STK24: variants seen among roughly 807,000 people sequenced by gnomAD.
STK24 encodes the protein serine/threonine kinase 24.
A neutral mutation model predicts 55.6 loss-of-function variants in STK24; 21 were observed. The ratio of observed to expected loss-of-function variants is 0.38; its 90% CI spans 0.27 to 0.54. STK24 has a LOEUF of 0.54. Ranked by LOEUF, STK24 falls within the 20% of genes least tolerant of loss-of-function variation. The pLI, the probability that STK24 is intolerant of heterozygous loss-of-function variation, is 0.79. For synonymous variants in STK24, 200 were observed against 215.2 expected (o/e 0.93, Z 0.62); for missense variants, 383 against 538.4 (o/e 0.71, Z 2.86).
chr13:98,527,202 G>A (rs780302070), intron 1 of STK24, among the ~76,000 whole-genome samples: 3 of 152,288 alleles, frequency 2.0e-5, no homozygotes, highest in Admixed American at 6.5e-5. Context: ...AGAGCTGGGC[G>A]TGGTGGCTCA....
intron 1 of STK24, among the ~76,000 whole-genome samples, chr13:98,537,948 C>T (rs1896780278): frequency 6.6e-6 from 1 of 152,182 alleles, no homozygotes; most frequent in Non-Finnish European, 1.5e-5. Context: ...GGCCCAACCA[C>T]TTCCATGATG....
rs114741779 is a variant in STK24, at chr13:98,483,655, C to G, written c.274-1334G>C. Among the ~76,000 whole-genome samples the G allele has an allele frequency of 6.1e-3, 930 of 152,304 alleles. 12 individuals are homozygous for G. The highest frequency in any genetic ancestry group is 0.021 in the African/African-American group (866 of 41,556). On this transcript the variant is annotated intron_variant, in intron 2 of 10. Transcript: ENST00000539966. ...CCTGGGCAAACTTTACTTTTATTAT[C>G]TATTGCTCTGATTTTCATTTCAGGT...
chr13:98,483,390 C>T (rs544125817), intron 2 of STK24, among the ~76,000 whole-genome samples: 2 of 151,978 alleles, frequency 1.3e-5, no homozygotes, highest in Non-Finnish European at 2.9e-5. Context: ...CTTTTGCACA[C>T]ATGGAGGAAA....
At chr13:98,482,347 T>C in intron 2 of STK24, 26 bp from the exon 3 acceptor site, 1 of 1,432,632 alleles carries the variant, frequency 7.0e-7, no homozygotes, top group Non-Finnish European at 9.6e-7. Flanking sequence ...AAGAAGAGAA[T>C]CATTTTCAAA....
At chr13:98,528,211 G>C (rs1203580621) in intron 1 of STK24, among the ~76,000 whole-genome samples, 1 of 152,200 alleles carries the variant, frequency 6.6e-6, no homozygotes, top group Non-Finnish European at 1.5e-5. Flanking sequence ...CATGACCTGG[G>C]GGTTTGCCTG....
chr13:98,455,631 G>T (rs1566340756), intron 10 of STK24: 1 of 152,284 alleles, frequency 6.6e-6, no homozygotes, highest in East Asian at 1.9e-4. Flanking sequence ...AAAAGAAGAG[G>T]AACAGAGAGA....
At chr13:98,487,801 G>C (rs546719877) in intron 2 of STK24, among the ~76,000 whole-genome samples, 2 of 152,206 alleles carry the variant, frequency 1.3e-5, no homozygotes, top group East Asian at 3.9e-4. Context: ...ACATTTGTCA[G>C]TTTTGCTGGG....
chr13:98,476,247 C>CCCG (rs1894370843), intron 3 of STK24, among the ~76,000 whole-genome samples: 1 of 147,414 alleles, frequency 6.8e-6, no homozygotes, highest in Admixed American at 6.7e-5. Flanking sequence ...GAAGCCCCCC[C>CCCG]CCGCCCCCTG....
Position 98,448,575 on chromosome 13 carries a change from C to T in STK24, c.*4598G>A, listed in dbSNP as rs891800538. 1.2e-4 allele frequency: 53 copies of T among 449,788 alleles called. No individual in the cohort carries two copies. Among genetic ancestry groups the T allele is most frequent in the African/African-American group, 7.4e-4 (37 of 49,872 alleles). The allele number at this position is 449,788 out of a possible 1,614,324, so 27.9% of individuals were successfully genotyped here. On this transcript the variant is annotated 3_prime_UTR_variant, in exon 11 of 11. Transcript: ENST00000539966. ...TGCCAGTATTAAAACATTGTCATTA[C>T]GAGAGTGCCAAATGACATCTTCCCT... is the stretch of plus-strand genomic sequence containing the variant.
At chr13:98,561,209 T>C (rs1187572947) in intron 1 of STK24, among the ~76,000 whole-genome samples, 1 of 152,182 alleles carries the variant, frequency 6.6e-6, no homozygotes, top group Admixed American at 6.5e-5. Context: ...TAAAACTCAT[T>C]AAATAACACA....
intron 9 of STK24, among the ~76,000 whole-genome samples, chr13:98,459,445 C>T (rs1893608619): frequency 6.6e-6 from 1 of 152,244 alleles, no homozygotes; most frequent in Non-Finnish European, 1.5e-5. Context: ...TCAGACAAAC[C>T]CTCCAGGGCA....
intron 5 of STK24, among the ~76,000 whole-genome samples, chr13:98,469,966 G>C (rs1278461471): frequency 1.3e-5 from 2 of 152,158 alleles, no homozygotes; most frequent in African/African-American, 4.8e-5. Flanking sequence ...AAATGGTATG[G>C]GCTGCCCAAA....
At position 98,472,261 on chromosome 13, in the gene STK24, C is replaced by T. The variant is rs544472458; in HGVS notation, c.597+2560G>A. ...GTGACCCTCATCGGCCCTCACCACA[C>T]GCCTCCCGGGTCCACAAACCTGGAA... On this transcript the variant is annotated intron_variant, in intron 5 of 10. Transcript: ENST00000539966. Among the ~76,000 whole-genome samples the T allele has an allele frequency of 5.3e-5, 8 of 152,340 alleles. No individual in the cohort carries two copies. The East Asian group carries it at 9.6e-4, about 18-fold the overall frequency.
chr13:98,568,600 C>T (rs1897649545), intron 1 of STK24, among the ~76,000 whole-genome samples: 1 of 152,266 alleles, frequency 6.6e-6, no homozygotes, highest in Admixed American at 6.5e-5. Flanking sequence ...GGGATGGTGG[C>T]TCACACCTGT....
chr13:98,505,750 T>A (rs1267023476), intron 2 of STK24, among the ~76,000 whole-genome samples: 1 of 152,374 alleles, frequency 6.6e-6, no homozygotes, highest in South Asian at 2.1e-4. Context: ...ACTTTCTAAC[T>A]AACTGCACAG....
intron 5 of STK24, among the ~76,000 whole-genome samples, chr13:98,467,897 A>G (rs1893981517): frequency 6.6e-6 from 1 of 152,220 alleles, no homozygotes; most frequent in African/African-American, 2.4e-5. Flanking sequence ...ATAGTCCTAT[A>G]TGGGCTGGCG....
chr13:98,522,509 A>G (rs1466320714), intron 1 of STK24, among the ~76,000 whole-genome samples: 1 of 152,222 alleles, frequency 6.6e-6, no homozygotes, highest in Non-Finnish European at 1.5e-5. Context: ...CGTACATGAC[A>G]GCTTTCAAAG....
At position 98,474,805 on chromosome 13, in the gene STK24, C is replaced by T. The variant is rs1894301570; in HGVS notation, c.597+16G>A. On this transcript the variant is annotated intron_variant, in intron 5 of 10. Coordinates refer to ENST00000539966, the MANE Select transcript of STK24 (RefSeq NM_001032296.4). Reference sequence around the variant, plus strand: ...AGGCCTCGTGAGGCACGGCGCCGCCCTCACCCTCCCCTCACCTTCGAGTCA... The same window carrying T: ...AGGCCTCGTGAGGCACGGCGCCGCCTTCACCCTCCCCTCACCTTCGAGTCA... 3.1e-6 allele frequency: 5 copies of T among 1,601,956 alleles called. No homozygotes were observed. Among genetic ancestry groups the T allele is most frequent in the Non-Finnish European group, 3.4e-6 (4 of 1,174,352 alleles).
chr13:98,571,771 T>C (rs1594679556), intron 1 of STK24, among the ~76,000 whole-genome samples: 1 of 152,104 alleles, frequency 6.6e-6, no homozygotes, highest in African/African-American at 2.4e-5. Flanking sequence ...TACTATAAAA[T>C]GTTCACTGAG....
Sources: allele counts gnomAD v4.1 joint callset (sites outside exome capture counted in the v4.1 genomes callset), GRCh38; gene constraint gnomAD v4.1.1; transcripts MANE v1.5; gene names NCBI Gene and HGNC (gene_info 2026-07-23, HGNC 2026-07-21).